RBM33: variants seen among roughly 807,000 people sequenced by gnomAD.
The protein encoded by RBM33 is RNA binding motif protein 33.
In RBM33, 28 loss-of-function variants were observed where a neutral mutation model predicts 132.6. The ratio of observed to expected loss-of-function variants is 0.21; its 90% confidence interval spans 0.16 to 0.29. The LOEUF (loss-of-function observed/expected upper bound fraction) is 0.29. RBM33 is among the 10% of genes least tolerant of loss of function. RBM33 has a pLI of 1.00. For synonymous variants in RBM33, 634 were observed against 593.0 expected (o/e 1.07, Z -1.01); for missense variants, 1,291 against 1,518.5 (o/e 0.85, Z 2.49).
chr7:155,766,412 C>A (rs1802218294), intron 15 of RBM33, 55 bp from the exon 16 acceptor site: 1 of 1,563,144 alleles, frequency 6.4e-7, no homozygotes, highest in Non-Finnish European at 8.7e-7. Flanking sequence ...ATCTTAGTGA[C>A]TATCGAAGAA....
At position 155,706,875 on chromosome 7, in the gene RBM33, C is replaced by T. The variant is rs1365323716; in HGVS notation, c.755C>T (p.Ala252Val). 1 of 1,602,660 alleles carries T rather than the reference C, an allele frequency of 6.2e-7. No individual in the cohort carries two copies. Among genetic ancestry groups the T allele is most frequent in the South Asian group, 1.1e-5 (1 of 88,356 alleles). The change falls in exon 7 of 18, where the codon GCC (alanine) becomes GTC (valine). Residue 252 changes from alanine to valine, a missense_variant. Ala to Val is a moderately conservative substitution (Grantham distance 64, BLOSUM62 0). Transcript: ENST00000401878. ...TTTCACATAGAGCTTTCAGCAGAGG[C>T]CAAGGCAGCATTGCTTGAATTTGAA... ...IPETLELSAE[A>V]KAALLEFEER... is the part of the protein sequence containing the mutation.
intron 1 of RBM33, among the ~76,000 whole-genome samples, chr7:155,646,437 G>A (rs1346529911): frequency 1.3e-5 from 2 of 152,090 alleles, no homozygotes; most frequent in Non-Finnish European, 2.9e-5. Flanking sequence ...CTTCCATTTT[G>A]TCACAAGTGC....
intron 1 of RBM33, among the ~76,000 whole-genome samples, chr7:155,664,955 C>T (rs1223581283): frequency 6.6e-6 from 1 of 151,346 alleles, no homozygotes; most frequent in Non-Finnish European, 1.5e-5. Context: ...TTTTTCATGC[C>T]CAATAATGTT....
chr7:155,704,559 A>G (rs1800060815), intron 6 of RBM33, among the ~76,000 whole-genome samples: 1 of 152,202 alleles, frequency 6.6e-6, no homozygotes, highest in African/African-American at 2.4e-5. Context: ...CAGTCCTGCA[A>G]GTTGAGAGCT....
At chr7:155,676,399 G>A (rs1322092888) in intron 3 of RBM33, among the ~76,000 whole-genome samples, 17 of 152,228 alleles carry the variant, frequency 1.1e-4, no homozygotes. Context: ...GTGTTGGACA[G>A]ACATTCTCCT....
chr7:155,750,934 T>C (rs1801670189), intron 14 of RBM33, among the ~76,000 whole-genome samples: 1 of 152,146 alleles, frequency 6.6e-6, no homozygotes. Flanking sequence ...AGCTGTCCAA[T>C]TGTGATGCTC....
chr7:155,646,511 G>A (rs569448376), intron 1 of RBM33, among the ~76,000 whole-genome samples: 1 of 152,200 alleles, frequency 6.6e-6, no homozygotes, highest in East Asian at 1.9e-4. Flanking sequence ...GTATGACTTG[G>A]TCCCTGCCTA....
intron 3 of RBM33, among the ~76,000 whole-genome samples, chr7:155,673,940 G>GTTGTTGTTGTTTTTTTTTTTTTT: frequency 1.8e-5 from 1 of 54,214 alleles, no homozygotes; most frequent in African/African-American, 8.3e-5. Flanking sequence ...TTTAGGCTTA[G>GTTGTTGTTGTTTTTTTTTTTTTT]TTTTTTTTTT....
At chr7:155,671,390 T>C (rs1798939227) in intron 2 of RBM33, among the ~76,000 whole-genome samples, 1 of 152,244 alleles carries the variant, frequency 6.6e-6, no homozygotes, top group African/African-American at 2.4e-5. Context: ...TCATGTCCTA[T>C]CCTTGTTTTC....
In RBM33 at chr7:155,750,913, G is replaced by A. The variant is rs551205414; in HGVS notation, c.2979+5311G>A. 1.2e-3 allele frequency among the ~76,000 whole-genome samples: 177 copies of A among 152,218 alleles called. 1 individual carries two copies. Among genetic ancestry groups the A allele is most frequent in the African/African-American group, 4.0e-3 (168 of 41,524 alleles). On this transcript the variant is annotated intron_variant, in intron 14 of 17. Transcript: ENST00000401878. ...AATGGGAGCAGCACAGAATGCCCCC[G>A]CAGGAAAGCCAGCTGTCCAATTGTG...
At chr7:155,690,511 T>G (rs1314406837) in intron 5 of RBM33, among the ~76,000 whole-genome samples, 1 of 152,204 alleles carries the variant, frequency 6.6e-6, no homozygotes, top group East Asian at 1.9e-4. Flanking sequence ...CCTGTCATTA[T>G]GATGTTAGCT....
At chr7:155,752,643 G>C (rs1275588413) in intron 14 of RBM33, among the ~76,000 whole-genome samples, 1 of 152,170 alleles carries the variant, frequency 6.6e-6, no homozygotes, top group Non-Finnish European at 1.5e-5. Context: ...TGCATCACAT[G>C]CTTCTGAGGC....
chr7:155,714,649 A>C (rs566039093), intron 8 of RBM33, among the ~76,000 whole-genome samples: 2 of 152,272 alleles, frequency 1.3e-5, no homozygotes, highest in East Asian at 3.9e-4. Flanking sequence ...AAGCTGTGGG[A>C]GAACAGCTGC....
At chr7:155,658,901 C>G (rs1798566387) in intron 1 of RBM33, among the ~76,000 whole-genome samples, 1 of 152,172 alleles carries the variant, frequency 6.6e-6, no homozygotes, top group South Asian at 2.1e-4. Flanking sequence ...TTATTTTCAT[C>G]CCCCTCTGCT....
intron 9 of RBM33, among the ~76,000 whole-genome samples, chr7:155,730,796 A>T (rs959154320): frequency 1.3e-5 from 2 of 152,216 alleles, no homozygotes; most frequent in Non-Finnish European, 2.9e-5. Context: ...TAACATTCAG[A>T]TGCCAGTGAC....
Position 155,774,907 on chromosome 7 carries a change from C to A in RBM33, c.3465-86C>A. On this transcript the variant is annotated intron_variant, in intron 17 of 17. Coordinates refer to ENST00000401878, the MANE Select transcript of RBM33 (RefSeq NM_053043.3). This position sits in a 1 kb window ranked among gnomAD's most constrained non-coding sequence, Gnocchi z 4.2. Reference sequence around the variant, plus strand: ...ATGCGTTTTTATTAAACAGGACCCACCGGGCTCTTTTAGTTTCCTCCCACC... The same window carrying A: ...ATGCGTTTTTATTAAACAGGACCCAACGGGCTCTTTTAGTTTCCTCCCACC... The A allele has an allele frequency of 8.1e-7, 1 of 1,231,276 alleles. No individual in the cohort carries two copies. The highest frequency in any genetic ancestry group is 1.2e-6 in the Non-Finnish European group (1 of 836,652). 76.3% of individuals were successfully genotyped at this position (1,231,276 alleles called of 1,614,324 possible). A position where few individuals can be genotyped will look rare whatever the true frequency, so the allele number is the denominator to read the frequency against.
At chr7:155,733,184 A>G (rs1277074020) in intron 9 of RBM33, among the ~76,000 whole-genome samples, 2 of 152,148 alleles carry the variant, frequency 1.3e-5, no homozygotes, top group East Asian at 3.9e-4. Flanking sequence ...GGAAAGGGAA[A>G]GTGTGTATGT....
intron 5 of RBM33, among the ~76,000 whole-genome samples, chr7:155,681,605 T>A (rs927512530): frequency 2.6e-5 from 4 of 152,106 alleles, no homozygotes; most frequent in Admixed American, 6.5e-5. Flanking sequence ...ACGAAATTTA[T>A]GAGGGAAGGA....
chr7:155,723,565 C>T (rs1800687078), intron 9 of RBM33, among the ~76,000 whole-genome samples: 1 of 152,202 alleles, frequency 6.6e-6, no homozygotes, highest in Non-Finnish European at 1.5e-5. Context: ...TCAATGAATT[C>T]CCATCTGCGG....
Sources: allele counts gnomAD v4.1 joint callset (sites outside exome capture counted in the v4.1 genomes callset), GRCh38; gene constraint gnomAD v4.1.1; non-coding constraint Gnocchi (gnomAD v3.1); transcripts MANE v1.5; gene names NCBI Gene and HGNC (gene_info 2026-07-23, HGNC 2026-07-21).